Variants in ADA2 observed in about 807,000 individuals in gnomAD.
ADA2 encodes adenosine deaminase 2.
A neutral mutation model predicts 44.2 loss-of-function variants in ADA2; 29 were observed. The observed-to-expected ratio is 0.66, with a 90% CI of 0.49 to 0.89. The LOEUF (loss-of-function observed/expected upper bound fraction) is 0.89, where lower values mean the gene tolerates loss of function less well. Among genes scored for constraint, ADA2 ranks in the 40% least tolerant of loss-of-function variants. The probability of loss-of-function intolerance (pLI) is 0.00; values close to 1 mark genes in which losing one functional copy is unlikely to be tolerated. For missense variants in ADA2, 637 were observed against 644.8 expected, an observed-to-expected ratio of 0.99 and a Z score of 0.13; for synonymous variants, 215 against 234.9, an observed-to-expected ratio of 0.92 and a Z score of 0.77.
chr22:17,212,088 G>T (rs111511446), intron 1 of ADA2, among the ~76,000 whole-genome samples: 1 of 151,694 alleles, frequency 6.6e-6, no homozygotes, highest in Non-Finnish European at 1.5e-5. Context: ...ACAATGGCGC[G>T]ATCTCGGCTC....
rs556907473 is a variant in ADA2 at position 17,203,298 on chromosome 22, C to T, written c.753+265G>A. Among the ~76,000 whole-genome samples, 68 of 152,176 alleles carry T rather than the reference C, an allele frequency of 4.5e-4. 1 individual carries two copies. Among genetic ancestry groups the T allele is most frequent in the African/African-American group, 1.6e-3 (66 of 41,524 alleles). On this transcript the variant is annotated intron_variant, in intron 4 of 9. Coordinates refer to ENST00000399837, the MANE Select transcript of ADA2 (RefSeq NM_001282225.2). The stretch of plus-strand genomic sequence containing the variant: ...TCCTTCTCAGCTTATGTCACGAGGC[C>T]CTGAGTATCATGGCAGAGGGGAGAA...
chr22:17,216,771 A>ACACACAC lies in ADA2; in HGVS notation c.-47+2584_-47+2585insGTGTGTG, dbSNP rs56275327. On this transcript the variant is annotated intron_variant, in intron 1 of 9. Transcript: ENST00000399837. ...AAGACTCCACCTCAAAAAAAAAAAA[A>ACACACAC]ACACACACACACACACACATATATA... Among the ~76,000 whole-genome samples, 9 of 135,076 alleles carry ACACACAC rather than the reference A, an allele frequency of 6.7e-5. No homozygotes were observed. The East Asian group carries it at 2.0e-3, about 30-fold the overall frequency. 88.6% of individuals were successfully genotyped at this position (135,076 alleles called of 152,430 possible).
Position 17,189,845 on chromosome 22 carries a change from C to T in ADA2, c.972+97G>A, listed in dbSNP as rs937053393. 37 of 832,010 alleles carry T rather than the reference C, an allele frequency of 4.4e-5. No individual in the cohort carries two copies. In the Admixed American group the frequency reaches 5.7e-4, roughly 13 times the overall value. The allele number at this position is 832,010 out of a possible 1,614,324, so 51.5% of individuals were successfully genotyped here. A position where few individuals can be genotyped will look rare whatever the true frequency, so the allele number is the denominator to read the frequency against. ...TGGGATGTCAGGGTACCAACAGGCA[C>T]ATTGCGCTCCCTTCCCAGGGAGTTG... is the stretch of plus-strand genomic sequence containing the variant. On this transcript the variant is annotated intron_variant, in intron 6 of 9. Transcript: ENST00000399837.
At chr22:17,201,083 T>C (rs916613211) in intron 4 of ADA2, among the ~76,000 whole-genome samples, 5 of 150,760 alleles carry the variant, frequency 3.3e-5, no homozygotes, top group African/African-American at 4.9e-5. Context: ...GTGGTGTGCA[T>C]CTGTAGTCCC....
At chr22:17,187,101 G>A (rs1357491948) in intron 7 of ADA2, among the ~76,000 whole-genome samples, 1 of 147,760 alleles carries the variant, frequency 6.8e-6, no homozygotes, top group Non-Finnish European at 1.5e-5. Flanking sequence ...AGGAAGCCGA[G>A]CTTGCAAGTG....
intron 2 of ADA2, among the ~76,000 whole-genome samples, chr22:17,209,117 G>C (rs934795391): frequency 2.6e-5 from 4 of 152,078 alleles, no homozygotes; most frequent in African/African-American, 9.7e-5. Context: ...AAAGGGAATA[G>C]CAAAGTCTCA....
chr22:17,203,106 G>A (rs552659153), intron 4 of ADA2, among the ~76,000 whole-genome samples: 2 of 152,208 alleles, frequency 1.3e-5, no homozygotes, highest in Admixed American at 6.6e-5. Flanking sequence ...CAGAAATGGG[G>A]TTTCTCTTCT....
intron 3 of ADA2, among the ~76,000 whole-genome samples, chr22:17,206,146 ATCTC>A (rs2062351545): frequency 6.6e-6 from 1 of 152,102 alleles, no homozygotes; most frequent in African/African-American, 2.4e-5. Context: ...CATCAGACAA[ATCTC>A]ATTTGCTACA....
rs1267111675 is a variant in ADA2, at chr22:17,179,002, T to A, written c.*2481A>T. 1 of 152,306 alleles carries A rather than the reference T, an allele frequency of 6.6e-6. No individual in the cohort carries two copies. The highest frequency in any genetic ancestry group is 2.4e-5 in the African/African-American group (1 of 41,446). The allele number at this position is 152,306 out of a possible 1,614,324, so 9.4% of individuals were successfully genotyped here. ...AGGCACAGCTTATGGTTGCTGTTTT[T>A]TCCCAGTTCCAGGAACCAAATGGTG... On this transcript the variant is annotated 3_prime_UTR_variant, in exon 10 of 10. Coordinates refer to ENST00000399837, the MANE Select transcript of ADA2 (RefSeq NM_001282225.2).
intron 4 of ADA2, chr22:17,199,803 T>C: frequency 7.2e-7 from 1 of 1,381,638 alleles, no homozygotes; most frequent in Non-Finnish European, 9.4e-7. Context: ...AATTAATAGC[T>C]GGGCATGGCT....
intron 1 of ADA2, among the ~76,000 whole-genome samples, chr22:17,215,754 T>C (rs2062464679): frequency 6.6e-6 from 1 of 152,018 alleles, no homozygotes; most frequent in South Asian, 2.1e-4. Flanking sequence ...GTTGATCTCA[T>C]AGATATAGAG....
In ADA2 at chr22:17,182,007, A is replaced by T; in HGVS notation, c.1255T>A (p.Ser419Thr). 6.2e-7 allele frequency: 1 copy of T among 1,613,784 alleles called. No individual in the cohort carries two copies. Among genetic ancestry groups the T allele is most frequent in the Non-Finnish European group, 8.5e-7 (1 of 1,179,826 alleles). Residue 419 changes from serine to threonine, a missense_variant, in exon 9 of 10, where the codon TCT (serine) becomes ACT (threonine). Ser to Thr is a moderately conservative substitution (Grantham distance 58). Coordinates refer to ENST00000399837, the MANE Select transcript of ADA2 (RefSeq NM_001282225.2). ...PISNQVLKLV[S>T]DLRNHPVATL... ...GCTACAGGGTGGTTCCTCAAGTCAG[A>T]CACCAGTTTCAGCACCTGCGCAATA...
chr22:17,184,642 ATCT>A (rs1189942965), intron 7 of ADA2, among the ~76,000 whole-genome samples: 4 of 151,992 alleles, frequency 2.6e-5, no homozygotes, highest in Non-Finnish European at 5.9e-5. Context: ...AAATATGAAC[ATCT>A]GGCTGGGTGC....
At chr22:17,203,210 A>G (rs1301107692) in intron 4 of ADA2, among the ~76,000 whole-genome samples, 1 of 152,168 alleles carries the variant, frequency 6.6e-6, no homozygotes, top group East Asian at 1.9e-4. Context: ...TCACCCTGCC[A>G]TGTGGCTCCT....
At chr22:17,197,592 C>T (rs1240995989) in intron 4 of ADA2, among the ~76,000 whole-genome samples, 4 of 152,202 alleles carry the variant, frequency 2.6e-5, no homozygotes, top group African/African-American at 9.6e-5. Flanking sequence ...TTTCACTCAG[C>T]TTTCACTACC....
rs2061943364 is a variant in ADA2, at chr22:17,179,360, GCAGCATGCGTGAAA to G, written c.*2109_*2122del. On this transcript the variant is annotated 3_prime_UTR_variant, in exon 10 of 10. Transcript: ENST00000399837. ...AGCTTTGGGCCCAGGCTCTGGGTTA[GCAGCATGCGTGAAA>G]CAATCAGAAACAATCATGAGCGCCT... The G allele has an allele frequency of 6.6e-6, 1 of 152,264 alleles. No individual in the cohort carries two copies. Among genetic ancestry groups the G allele is most frequent in the Non-Finnish European group, 1.5e-5 (1 of 68,062 alleles). 9.4% of individuals were successfully genotyped at this position (152,264 alleles called of 1,614,324 possible).
chr22:17,220,728 C>T (rs1378178684), upstream of ADA2, among the ~76,000 whole-genome samples: 1 of 152,146 alleles, frequency 6.6e-6, no homozygotes, highest in African/African-American at 2.4e-5. Flanking sequence ...CCCAAAAGCC[C>T]ACGGCAGTTT....
chr22:17,210,780 TAGAGACC>T (rs2062410794), intron 1 of ADA2, among the ~76,000 whole-genome samples: 1 of 151,178 alleles, frequency 6.6e-6, no homozygotes, highest in African/African-American at 2.4e-5. Flanking sequence ...GTATTTTTAA[TAGAGACC>T]ATATTGGCCA....
chr22:17,200,882 C>CAAAAAAAAAA (rs3078427), intron 4 of ADA2, among the ~76,000 whole-genome samples: 3,022 of 118,074 alleles, frequency 0.026, 43 homozygotes, highest in Middle Eastern at 0.058. Context: ...AACTCTGCCT[C>CAAAAAAAAAA]AAAAAAAAAA....
Sources: gnomAD v4.1 joint callset for allele counts (sites outside exome capture counted in the v4.1 genomes callset) on GRCh38, gnomAD v4.1.1 for gene constraint, MANE v1.5 for transcripts, NCBI Gene and HGNC (gene_info 2026-07-23, HGNC 2026-07-21) for gene names.